NELL2: variants seen among roughly 807,000 people sequenced by gnomAD.
The protein encoded by NELL2 is protein kinase C-binding protein NELL2.
In NELL2, 41 loss-of-function variants were observed where a neutral mutation model predicts 109.6. The observed-to-expected ratio is 0.37, with a 90% CI of 0.29 to 0.49. NELL2 has a LOEUF of 0.49. Ranked by LOEUF, NELL2 falls within the 20% of genes least tolerant of loss-of-function variation. The pLI is 0.98. For synonymous variants in NELL2, 355 were observed against 344.7 expected (o/e 1.03, Z -0.33); for missense variants, 900 against 1,008.3 (o/e 0.89, Z 1.45).
At chr12:44,611,379 G>A (rs1247914254) in intron 13 of NELL2, among the ~76,000 whole-genome samples, 1 of 151,992 alleles carries the variant, frequency 6.6e-6, no homozygotes, top group Non-Finnish European at 1.5e-5. Flanking sequence ...TGTAAGTCAT[G>A]ACCTGTAGGA....
intron 15 of NELL2, among the ~76,000 whole-genome samples, chr12:44,578,960 G>T (rs898479751): frequency 2.6e-5 from 4 of 151,976 alleles, no homozygotes; most frequent in African/African-American, 9.7e-5. Context: ...CATTTCTCAG[G>T]GGCATTCTTT....
At chr12:44,512,150 C>T (rs910578710) in intron 19 of NELL2, among the ~76,000 whole-genome samples, 4 of 152,012 alleles carry the variant, frequency 2.6e-5, no homozygotes, top group African/African-American at 4.8e-5. Flanking sequence ...GCAAGTAATC[C>T]AATTAAAAAT....
rs141306895 is a variant in NELL2 at position 44,817,410 on chromosome 12, AC to A, written c.185-1275del. Among the ~76,000 whole-genome samples, 1,507 of 152,306 alleles carry A rather than the reference AC, an allele frequency of 9.9e-3. 27 individuals carry two copies. Among genetic ancestry groups the A allele is most frequent in the African/African-American group, 0.034 (1,407 of 41,542 alleles). ...ACATGGAGAGCACACAGACCTTGAG[AC>A]ACTCGTATAATAGAAGAAGGGACAC... On this transcript the variant is annotated intron_variant, in intron 2 of 19. Coordinates refer to ENST00000429094, the MANE Select transcript of NELL2 (RefSeq NM_001145108.2).
At chr12:44,591,050 A>G (rs1565981090) in intron 15 of NELL2, among the ~76,000 whole-genome samples, 2 of 152,230 alleles carry the variant, frequency 1.3e-5, no homozygotes, top group Non-Finnish European at 2.9e-5. Context: ...ATCATCAGGG[A>G]AATGCAAACC....
At chr12:44,577,491 T>TCC (rs1555179042) in intron 15 of NELL2, among the ~76,000 whole-genome samples, 1 of 137,378 alleles carries the variant, frequency 7.3e-6, no homozygotes, top group African/African-American at 3.1e-5. Flanking sequence ...TTTTTTTTTT[T>TCC]TGAGATGGAG....
chr12:44,532,694 A>G lies in NELL2; in HGVS notation c.1691T>C (p.Val564Ala), dbSNP rs775785949. The change falls in exon 16 of 20, where the codon GTT (valine) becomes GCT (alanine). Residue 564 changes from valine to alanine, a missense_variant. Coordinates refer to ENST00000429094, the MANE Select transcript of NELL2 (RefSeq NM_001145108.2). Reference sequence around the variant, plus strand: ...GCAATTAGCACGACTGTCACATTGAACAAAACCATCAGAGCATTCATCAAT... The same window carrying G: ...GCAATTAGCACGACTGTCACATTGAGCAAAACCATCAGAGCATTCATCAAT... Reference protein sequence around the residue: ...TDIDECSDGFVQCDSRANCIN... With the variant: ...TDIDECSDGFAQCDSRANCIN... The G allele has an allele frequency of 2.4e-5, 38 of 1,613,378 alleles. 2 individuals carry two copies. In the South Asian group the frequency reaches 3.7e-4, roughly 16 times the overall value.
At chr12:44,517,371 TTCTCTCTCTCTCTCTCTCTCTCTCTCTC>T (rs71093810) in intron 19 of NELL2, among the ~76,000 whole-genome samples, 45 of 102,506 alleles carry the variant, frequency 4.4e-4, no homozygotes, top group Middle Eastern at 5.0e-3. Context: ...ACCAACTACT[TTCTCTCTCTCTCTCTCTCTCTCTCTCTC>T]TCTCTCTCTC....
chr12:44,816,178 A>T, intron 2 of NELL2, 42 bp from the exon 3 acceptor site: 1 of 1,502,214 alleles, frequency 6.7e-7, no homozygotes, highest in Non-Finnish European at 8.9e-7. Flanking sequence ...GTAGAATTTG[A>T]TTTTATGAAG....
chr12:44,881,974 T>TA (rs1372850109), intron 1 of NELL2: 3 of 152,016 alleles, frequency 2.0e-5, no homozygotes, highest in Admixed American at 6.5e-5. Context: ...AAAGTGGAAT[T>TA]TTTTTTTCTA....
chr12:44,584,405 C>A (rs1017068613), intron 15 of NELL2, among the ~76,000 whole-genome samples: 5 of 152,108 alleles, frequency 3.3e-5, no homozygotes, highest in African/African-American at 1.2e-4. Context: ...AACAGTCATG[C>A]AATTGGAGAC....
intron 15 of NELL2, among the ~76,000 whole-genome samples, chr12:44,576,508 T>C (rs1944090774): frequency 6.6e-6 from 1 of 152,168 alleles, no homozygotes; most frequent in Admixed American, 6.5e-5. Flanking sequence ...GGGAGACATC[T>C]ATCTTATGAT....
At chr12:44,536,345 A>G (rs1942294270) in intron 15 of NELL2, among the ~76,000 whole-genome samples, 1 of 152,080 alleles carries the variant, frequency 6.6e-6, no homozygotes, top group African/African-American at 2.4e-5. Flanking sequence ...AAATGCACAC[A>G]TATTTTGAAG....
At chr12:44,739,200 T>A (rs905816310) in intron 9 of NELL2, among the ~76,000 whole-genome samples, 4 of 152,172 alleles carry the variant, frequency 2.6e-5, no homozygotes, top group African/African-American at 9.7e-5. Flanking sequence ...TACCATAATT[T>A]GCAATAATTC....
chr12:44,770,268 CAGTTAACATTGTTCTAA>C (rs1287303406), intron 9 of NELL2, among the ~76,000 whole-genome samples: 31 of 152,072 alleles, frequency 2.0e-4, no homozygotes, highest in Non-Finnish European at 2.9e-5. Flanking sequence ...ACAGTAATAA[CAGTTAACATTGTTCTAA>C]GCACTTTACA....
At chr12:44,813,960 T>TA (rs1259736506) in intron 3 of NELL2, among the ~76,000 whole-genome samples, 1 of 152,172 alleles carries the variant, frequency 6.6e-6, no homozygotes, top group Non-Finnish European at 1.5e-5. Context: ...TTCAGTTGCT[T>TA]AAAAAAACAT....
At chr12:44,544,255 A>T (rs553547535) in intron 15 of NELL2, among the ~76,000 whole-genome samples, 13 of 152,270 alleles carry the variant, frequency 8.5e-5, no homozygotes, top group Non-Finnish European at 1.3e-4. Context: ...ACAGAGATAA[A>T]TCTTCATCTA....
intron 9 of NELL2, among the ~76,000 whole-genome samples, chr12:44,716,938 T>C (rs915238635): frequency 6.6e-6 from 1 of 152,070 alleles, no homozygotes; most frequent in African/African-American, 2.4e-5. Flanking sequence ...AAGACTCAAA[T>C]AGGCAACTTG....
chr12:44,543,640 T>C (rs1217771571), intron 15 of NELL2, among the ~76,000 whole-genome samples: 1 of 152,184 alleles, frequency 6.6e-6, no homozygotes, highest in Non-Finnish European at 1.5e-5. Context: ...TGGCTTTGTG[T>C]TAGAGTTCAA....
At chr12:44,714,793 G>T (rs1229812259) in intron 9 of NELL2, 52 bp from the exon 10 acceptor site, 2 of 1,169,794 alleles carry the variant, frequency 1.7e-6, no homozygotes, top group Non-Finnish European at 1.2e-6. Flanking sequence ...AAATAGCTTA[G>T]AAGGGATCAG....
Sources: allele counts gnomAD v4.1 joint callset (sites outside exome capture counted in the v4.1 genomes callset), GRCh38; gene constraint gnomAD v4.1.1; transcripts MANE v1.5; gene names NCBI Gene and HGNC (gene_info 2026-07-23, HGNC 2026-07-21).